The following DNAJC6 variants were observed in gnomAD, a reference collection of about 807,000 sequenced individuals.
DNAJC6 encodes the protein auxilin.
Under a neutral mutation model 110.0 loss-of-function variants are expected in DNAJC6, and 34 were observed. That is an observed-to-expected ratio of 0.31 (90% confidence interval 0.24 to 0.41). The LOEUF is 0.41. DNAJC6 is among the 10% of genes least tolerant of loss of function. DNAJC6 has a pLI of 1.00. For missense variants in DNAJC6, 1,031 were observed against 1,207.8 expected, an observed-to-expected ratio of 0.85 and a Z score of 2.17; for synonymous variants, 406 against 437.2, an observed-to-expected ratio of 0.93 and a Z score of 0.89.
intron 1 of DNAJC6, among the ~76,000 whole-genome samples, chr1:65,267,351 A>G (rs558049324): frequency 6.6e-5 from 10 of 152,186 alleles, no homozygotes; most frequent in Admixed American, 1.3e-4. Flanking sequence ...TAAAATGGAG[A>G]GCTATTAGAC....
At chr1:65,279,148 AT>A in intron 1 of DNAJC6, 1 of 985,372 alleles carries the variant, frequency 1.0e-6, no homozygotes, top group East Asian at 1.1e-4. Context: ...TTTTAAAGCC[AT>A]TTTTAGTTTG....
intron 1 of DNAJC6, among the ~76,000 whole-genome samples, chr1:65,314,979 G>A (rs1004011774): frequency 2.0e-5 from 3 of 152,250 alleles, no homozygotes; most frequent in Non-Finnish European, 2.9e-5. Flanking sequence ...AAGTTGGCCA[G>A]GTAGCCAATG....
intron 1 of DNAJC6, among the ~76,000 whole-genome samples, chr1:65,273,000 C>G (rs537535159): frequency 1.8e-4 from 28 of 152,026 alleles, no homozygotes; most frequent in African/African-American, 6.3e-4. Context: ...TGGTGTGGTC[C>G]TGTCCTTGTT....
intron 1 of DNAJC6, among the ~76,000 whole-genome samples, chr1:65,338,972 C>T (rs1645363150): frequency 6.6e-6 from 1 of 152,154 alleles, no homozygotes; most frequent in Admixed American, 6.5e-5. Context: ...CTCTGTGCTC[C>T]ATTGATGCCC....
chr1:65,296,173 A>G (rs748638499), intron 1 of DNAJC6, among the ~76,000 whole-genome samples: 5 of 152,248 alleles, frequency 3.3e-5, no homozygotes, highest in Non-Finnish European at 7.3e-5. Context: ...ATTCATAAAT[A>G]AAATATAGCC....
intron 1 of DNAJC6, among the ~76,000 whole-genome samples, chr1:65,330,881 C>T (rs1384648489): frequency 1.3e-5 from 2 of 152,322 alleles, no homozygotes; most frequent in South Asian, 2.1e-4. Context: ...TAGGGTATTA[C>T]TCTCTTCTTC....
At chr1:65,393,022 G>A (rs1645944174) in intron 12 of DNAJC6, among the ~76,000 whole-genome samples, 157 bp downstream of exon 12, 1 of 152,294 alleles carries the variant, frequency 6.6e-6, no homozygotes, top group South Asian at 2.1e-4. Flanking sequence ...GAGAGCGTAA[G>A]AGAAAATAGA....
chr1:65,413,500 G>C lies in DNAJC6; in HGVS notation c.*475G>C, dbSNP rs549280218. 1 of 153,110 alleles carries C rather than the reference G, an allele frequency of 6.5e-6. No homozygotes were observed. Among genetic ancestry groups the C allele is most frequent in the South Asian group, 2.1e-4 (1 of 4,868 alleles). 9.5% of individuals were successfully genotyped at this position (153,110 alleles called of 1,614,324 possible). The stretch of plus-strand genomic sequence containing the variant: ...CAGACTCCAAGAACAAAACCACCAG[G>C]TATTTTTTTTTAAGTAAAAATTTAC... On this transcript the variant is annotated 3_prime_UTR_variant, in exon 19 of 19. Transcript: ENST00000371069.
At chr1:65,301,236 G>T (rs1181130720) in intron 1 of DNAJC6, among the ~76,000 whole-genome samples, 1 of 152,164 alleles carries the variant, frequency 6.6e-6, no homozygotes, top group African/African-American at 2.4e-5. Context: ...GTATCTGTGT[G>T]TGGAAAAACA....
chr1:65,391,397 C>T (rs888143492), intron 11 of DNAJC6, among the ~76,000 whole-genome samples: 2 of 152,146 alleles, frequency 1.3e-5, no homozygotes, highest in Non-Finnish European at 2.9e-5. Flanking sequence ...GAAGATCTAT[C>T]TCAGGGAGGG....
At position 65,278,932 on chromosome 1, in the gene DNAJC6, G is replaced by T. The variant is rs151041586; in HGVS notation, c.-131+14000G>T. On this transcript the variant is annotated intron_variant, in intron 1 of 19. Transcript: ENST00000263441. ...ATTCTCAGAATCCCAGATGTATCCT[G>T]CGAGTCAGCACTTCACTCCCTACTC... is the stretch of plus-strand genomic sequence containing the variant. 21 of 978,784 alleles carry T rather than the reference G, an allele frequency of 2.1e-5. No homozygotes were observed. The East Asian group carries it at 1.3e-3, about 59-fold the overall frequency. 60.6% of individuals were successfully genotyped at this position (978,784 alleles called of 1,614,324 possible). A position where few individuals can be genotyped will look rare whatever the true frequency, so the allele number is the denominator to read the frequency against.
At chr1:65,269,367 C>CAA (rs78150700) in intron 1 of DNAJC6, among the ~76,000 whole-genome samples, 13 of 100,128 alleles carry the variant, frequency 1.3e-4, no homozygotes, top group Admixed American at 4.3e-4. Flanking sequence ...GACCCTGTCT[C>CAA]AAAAAAAAAA....
chr1:65,317,205 A>T (rs930094506), intron 1 of DNAJC6, among the ~76,000 whole-genome samples: 1 of 152,218 alleles, frequency 6.6e-6, no homozygotes, highest in Non-Finnish European at 1.5e-5. Flanking sequence ...TGGATGAAGA[A>T]TGCTGGAGTT....
chr1:65,265,287 T>C (rs943608138), intron 1 of DNAJC6, among the ~76,000 whole-genome samples: 2 of 152,236 alleles, frequency 1.3e-5, no homozygotes, highest in Admixed American at 6.5e-5. Context: ...ATAATGAATA[T>C]ACAGGTTTTC....
At chr1:65,389,714 T>A in intron 11 of DNAJC6, 87 bp downstream of exon 11, 1 of 1,414,560 alleles carries the variant, frequency 7.1e-7, no homozygotes, top group Non-Finnish European at 9.9e-7. Context: ...CAGACTACAT[T>A]AAAGCAGCAC....
At chr1:65,286,258 T>C (rs980760922) in intron 1 of DNAJC6, among the ~76,000 whole-genome samples, 7 of 151,990 alleles carry the variant, frequency 4.6e-5, no homozygotes, top group East Asian at 1.9e-4. Context: ...CTTTTTTTTT[T>C]CTTTTTGAGA....
chr1:65,369,052 G>A (rs1385619591), intron 4 of DNAJC6, among the ~76,000 whole-genome samples: 1 of 152,040 alleles, frequency 6.6e-6, no homozygotes, highest in African/African-American at 2.4e-5. Flanking sequence ...TTATAGGTGT[G>A]AGCCACCACC....
chr1:65,374,212 T>C (rs1384481775), intron 4 of DNAJC6, among the ~76,000 whole-genome samples: 2 of 152,218 alleles, frequency 1.3e-5, no homozygotes, highest in African/African-American at 4.8e-5. Flanking sequence ...AGTCAGATGA[T>C]GTGATGCCTC....
chr1:65,385,038 G>C (rs539617934), intron 6 of DNAJC6, among the ~76,000 whole-genome samples: 12 of 152,300 alleles, frequency 7.9e-5, no homozygotes, highest in African/African-American at 2.6e-4. Context: ...TTGATCCCAA[G>C]CTCTAAGACC....
Sources: gnomAD v4.1 joint callset for allele counts (sites outside exome capture counted in the v4.1 genomes callset) on GRCh38, gnomAD v4.1.1 for gene constraint, MANE v1.5 for transcripts, NCBI Gene and HGNC (gene_info 2026-07-23, HGNC 2026-07-21) for gene names.